Variants in AHCY observed in about 807,000 individuals in gnomAD.
The protein encoded by AHCY is S-adenosyl-L-homocysteine hydrolase.
Under a neutral mutation model 45.4 loss-of-function variants are expected in AHCY, and 24 were observed. The ratio of observed to expected loss-of-function variants is 0.53; its 90% CI spans 0.38 to 0.74. The LOEUF (loss-of-function observed/expected upper bound fraction) is 0.74, where lower values mean the gene tolerates loss of function less well. AHCY is among the 30% of genes least tolerant of loss of function. AHCY has a pLI of 0.00. For synonymous variants in AHCY, 245 were observed against 235.1 expected, an observed-to-expected ratio of 1.04 and a Z score of -0.39; for missense variants, 449 against 594.1, an observed-to-expected ratio of 0.76 and a Z score of 2.54.
chr20:34,282,856 G>A (rs989526750), intron 9 of AHCY, among the ~76,000 whole-genome samples: 3 of 152,112 alleles, frequency 2.0e-5, no homozygotes, highest in African/African-American at 7.2e-5. Flanking sequence ...TACCCCTAAG[G>A]GACCCCATCC....
the AHCY span, among the ~76,000 whole-genome samples, chr20:34,269,979 A>C: frequency 8.9e-5 from 11 of 123,198 alleles, no homozygotes; most frequent in East Asian, 2.5e-4. Context: ...AAAAAAAAAA[A>C]CAAGAAAAAA....
the AHCY span, among the ~76,000 whole-genome samples, chr20:34,250,654 G>A: frequency 3.9e-5 from 6 of 152,220 alleles, no homozygotes; most frequent in Admixed American, 1.3e-4. Flanking sequence ...AAAATTAGCC[G>A]GGCGTAGTGG....
At chr20:34,303,387 C>T, upstream of AHCY, 1 of 1,429,476 alleles carries the variant, frequency 7.0e-7, no homozygotes, top group Non-Finnish European at 9.6e-7. Context: ...CTTTAAATAT[C>T]TTCCTCGCAC....
the AHCY span, among the ~76,000 whole-genome samples, chr20:34,274,218 G>A: frequency 2.0e-5 from 3 of 152,164 alleles, no homozygotes; most frequent in Non-Finnish European, 4.4e-5. Context: ...ATTATTTATT[G>A]AGCAGCTACT....
chr20:34,241,449 A>T, the AHCY span: 1 of 985,460 alleles, frequency 1.0e-6, no homozygotes. Context: ...TGCAAGGTGA[A>T]AAAGGAAGTT....
At chr20:34,302,865 A>G (rs1157838972) in intron 1 of AHCY, 5 of 985,436 alleles carry the variant, frequency 5.1e-6, no homozygotes, top group Non-Finnish European at 4.8e-6. Context: ...GGGGCCGCCC[A>G]GCTGGACAGG....
At chr20:34,281,229 G>A in intron 9 of AHCY, 64 bp from the exon 10 acceptor site, 1 of 1,602,560 alleles carries the variant, frequency 6.2e-7, no homozygotes. Flanking sequence ...CACGCGTCTG[G>A]CTGCCAATAG....
intron 1 of AHCY, among the ~76,000 whole-genome samples, chr20:34,298,806 T>C (rs377091678): frequency 3.9e-5 from 6 of 152,160 alleles, no homozygotes; most frequent in South Asian, 2.1e-4. Context: ...CTATGCCTTC[T>C]AGATAGCAGT....
At chr20:34,300,952 T>C (rs946065960) in intron 1 of AHCY, among the ~76,000 whole-genome samples, 2 of 152,132 alleles carry the variant, frequency 1.3e-5, no homozygotes, top group Non-Finnish European at 2.9e-5. Flanking sequence ...CACCTTTGTG[T>C]CTCCAGCATG....
At chr20:34,296,594 A>ACTCTTCCCTCTGATCATCTCACCCTCCT (rs1267295071) in intron 1 of AHCY, among the ~76,000 whole-genome samples, 11 of 151,730 alleles carry the variant, frequency 7.2e-5, no homozygotes, top group African/African-American at 2.7e-4. Context: ...CTATCTCAAT[A>ACTCTTCCCTCTGATCATCTCACCCTCCT]CTCTCCCCTA....
rs1041651070 is a variant in AHCY, at chr20:34,295,615, G to A, written c.29-30C>T. On this transcript the variant is annotated intron_variant, in intron 1 of 9. Transcript: ENST00000217426. ...GGGAGGAAACAGGTGGGAGTTCCGT[G>A]AGTCCCCTCATCCCACCAACCAAGA... 3 of 1,608,524 alleles carry A rather than the reference G, an allele frequency of 1.9e-6. No homozygotes were observed. The African/African-American group carries it at 4.0e-5, about 22-fold the overall frequency.
the AHCY span, among the ~76,000 whole-genome samples, chr20:34,267,656 C>T: frequency 1.3e-5 from 2 of 151,802 alleles, no homozygotes; most frequent in African/African-American, 2.4e-5. Flanking sequence ...CTCAGCCTCC[C>T]GGGAGTAGCT....
the AHCY span, among the ~76,000 whole-genome samples, chr20:34,236,638 C>T: frequency 6.6e-6 from 1 of 151,978 alleles, no homozygotes; most frequent in East Asian, 1.9e-4. Context: ...ATTGCCTGAG[C>T]CCAGGAGTTT....
chr20:34,285,306 T>C (rs1161568575), intron 9 of AHCY, 134 bp downstream of exon 9: 11 of 935,878 alleles, frequency 1.2e-5, no homozygotes, highest in Non-Finnish European at 1.5e-5. Flanking sequence ...GAATGACTTC[T>C]GCACTGTAGA....
the AHCY span, among the ~76,000 whole-genome samples, chr20:34,270,123 G>A: frequency 2.0e-5 from 3 of 151,964 alleles, no homozygotes; most frequent in African/African-American, 7.2e-5. Context: ...GTGGTGGCAT[G>A]CACCGGTAGT....
chr20:34,282,034 T>A (rs1052060617), intron 9 of AHCY, among the ~76,000 whole-genome samples: 2 of 152,232 alleles, frequency 1.3e-5, no homozygotes, highest in Non-Finnish European at 2.9e-5. Context: ...GTTGCTTTTT[T>A]TGATTAAAAT....
chr20:34,264,156 A>T, the AHCY span, among the ~76,000 whole-genome samples: 1 of 152,220 alleles, frequency 6.6e-6, no homozygotes, highest in Non-Finnish European at 1.5e-5. Context: ...AAAAAATTAA[A>T]ATTTCCCAAA....
chr20:34,233,097 A>G, the AHCY span, among the ~76,000 whole-genome samples: 2 of 143,862 alleles, frequency 1.4e-5, no homozygotes, highest in Admixed American at 1.4e-4. Flanking sequence ...CCCCACTCAC[A>G]CCAACATTTT....
the AHCY span, chr20:34,268,977 C>T: frequency 1.2e-5 from 19 of 1,593,872 alleles, no homozygotes; most frequent in Middle Eastern, 1.7e-4. Flanking sequence ...AAAGCCCCGG[C>T]GTTTCCCACG....
Sources: gnomAD v4.1 joint callset for allele counts (sites outside exome capture counted in the v4.1 genomes callset) on GRCh38, gnomAD v4.1.1 for gene constraint, MANE v1.5 for transcripts, NCBI Gene and HGNC (gene_info 2026-07-23, HGNC 2026-07-21) for gene names.